The following REELD1 variants were observed in gnomAD, a reference collection of about 807,000 sequenced individuals.
The protein encoded by REELD1 is reeler domain containing 1.
REELD1 carries 12 observed loss-of-function variants against 6.3 expected under a neutral mutation model. The ratio of observed to expected loss-of-function variants is 1.89; its 90% CI spans 1.21 to 3.07. REELD1 has a LOEUF of 3.07. Ranked by LOEUF, REELD1 falls within the 30% of genes most tolerant of loss-of-function variation. The pLI is 0.00. For synonymous variants in REELD1, 57 were observed against 33.6 expected (o/e 1.70, Z -2.42); for missense variants, 163 against 86.8 (o/e 1.88, Z -3.49).
chr4:146,225,010 G>A lies in REELD1; in HGVS notation c.595+402G>A, dbSNP rs146821062. Among the ~76,000 whole-genome samples the A allele has an allele frequency of 9.8e-5, 15 of 152,292 alleles. No homozygotes were observed. The East Asian group carries it at 1.3e-3, about 14-fold the overall frequency. On this transcript the variant is annotated intron_variant, in intron 5 of 7. Coordinates refer to ENST00000623665, the MANE Select transcript of REELD1 (RefSeq NM_001354631.1). Reference sequence around the variant, plus strand: ...ACAAAAAAGAAATGAGCTTTTCTTCGTCTTTTCTCATAAAAACGCATCCAG... The same window carrying A: ...ACAAAAAAGAAATGAGCTTTTCTTCATCTTTTCTCATAAAAACGCATCCAG...
intron 3 of REELD1, among the ~76,000 whole-genome samples, chr4:146,220,930 G>T (rs142693410): frequency 6.6e-6 from 1 of 152,358 alleles, no homozygotes; most frequent in African/African-American, 2.4e-5. Flanking sequence ...GACAATCGCT[G>T]TTGGGTATTG....
rs1306601971 is a variant in REELD1, at chr4:146,228,347, ACT to A, written c.736_737del (p.Leu246ValfsTer10). 1.4e-6 allele frequency: 1 copy of A among 702,238 alleles called. No individual in the cohort carries two copies. 43.5% of individuals were successfully genotyped at this position (702,238 alleles called of 1,614,324 possible). On this transcript the variant is annotated frameshift_variant, in exon 6 of 8. Transcript: ENST00000623665. LOFTEE classifies it high-confidence loss of function. ...GACAAAGTTTCCTGGGGATGCAGAGACTCTGTCCCAACCATCTTCACACACAG... is the reference window on the plus strand; with the variant it reads ...GACAAAGTTTCCTGGGGATGCAGAGACTGTCCCAACCATCTTCACACACAG... Reference protein sequence around the residue: ...WVTKFPGDAETLSQPSSHTAT... With the variant: ...WVTKFPGDAEXLSQPSSHTAT...
At chr4:146,219,831 TTAATA>T (rs1445564836) in intron 3 of REELD1, among the ~76,000 whole-genome samples, 1 of 152,254 alleles carries the variant, frequency 6.6e-6, no homozygotes. Context: ...AGATCTCAAA[TTAATA>T]TAATCTTAAG....
intron 7 of REELD1, among the ~76,000 whole-genome samples, chr4:146,229,309 C>T (rs1731084413): frequency 6.6e-6 from 1 of 152,206 alleles, no homozygotes; most frequent in Non-Finnish European, 1.5e-5. Flanking sequence ...GTTTTAGTGA[C>T]TTGTCTTCTC....
intron 3 of REELD1, among the ~76,000 whole-genome samples, chr4:146,217,386 G>A (rs1277111790): frequency 2.0e-5 from 3 of 152,068 alleles, no homozygotes; most frequent in Admixed American, 2.0e-4. Context: ...GGGACTACAG[G>A]CACATGCCAC....
rs1731063978 is a variant in REELD1 at position 146,228,385 on chromosome 4, C to A, written c.771C>A (p.Gly257=). The A allele has an allele frequency of 1.4e-6, 1 of 702,572 alleles. No homozygotes were observed. The highest frequency in any genetic ancestry group is 1.7e-5 in the African/African-American group (1 of 57,350). The allele number at this position is 702,572 out of a possible 1,614,324, so 43.5% of individuals were successfully genotyped here. A position where few individuals can be genotyped will look rare whatever the true frequency, so the allele number is the denominator to read the frequency against. Residue 257 remains glycine (G), a synonymous_variant, in exon 6 of 8, where the codon GGC becomes GGA. Transcript: ENST00000623665. ...CATCTTCACACACAGCCACTGAAGGCAGCATCAACCAGCAACCCAGCGGGG... is the reference window on the plus strand; with the variant it reads ...CATCTTCACACACAGCCACTGAAGGAAGCATCAACCAGCAACCCAGCGGGG... ...SQPSSHTATE[G]SINQQPSGDS...
At chr4:146,225,773 C>T (rs1252501802) in intron 5 of REELD1, among the ~76,000 whole-genome samples, 2 of 152,146 alleles carry the variant, frequency 1.3e-5, no homozygotes, top group Non-Finnish European at 2.9e-5. Flanking sequence ...GAGCCTTGGG[C>T]CTTTCTATGC....
intron 4 of REELD1, among the ~76,000 whole-genome samples, 196 bp downstream of exon 4, chr4:146,222,775 C>T (rs1730946597): frequency 6.6e-6 from 1 of 152,204 alleles, no homozygotes; most frequent in Admixed American, 6.5e-5. Flanking sequence ...CCCCCAAACT[C>T]ATCCCTTCAT....
rs1731108822 is a variant in REELD1 at position 146,230,410 on chromosome 4, A to C, written c.1478A>C (p.Glu493Ala). The change falls in exon 8 of 8, where the codon GAG becomes GCG. Residue 493 changes from glutamate (E) to alanine (A), a missense_variant. Transcript: ENST00000623665. ...SDAVARSNSGETVHVRKIGEN... is the reference protein window; with the variant it reads ...SDAVARSNSGATVHVRKIGEN... The stretch of plus-strand genomic sequence containing the variant: ...GCTGTTGCCAGGAGCAACAGTGGTG[A>C]GACTGTGCACGTCAGGAAGATTGGG... 1 of 398,598 alleles carries C rather than the reference A, an allele frequency of 2.5e-6. No individual in the cohort carries two copies. The allele number at this position is 398,598 out of a possible 1,614,324, so 24.7% of individuals were successfully genotyped here.
intron 7 of REELD1, among the ~76,000 whole-genome samples, chr4:146,229,693 G>A (rs1731090333): frequency 6.6e-6 from 1 of 151,992 alleles, no homozygotes; most frequent in Non-Finnish European, 1.5e-5. Flanking sequence ...GTTCTCTGTG[G>A]GGTTTCCATT....
intron 7 of REELD1, 98 bp downstream of exon 7, chr4:146,229,186 A>G (rs1731082148): frequency 1.5e-6 from 1 of 653,626 alleles, no homozygotes; most frequent in African/African-American, 1.8e-5. Context: ...ACTAGTAGCC[A>G]AAGTTAGAGA....
At chr4:146,220,731 A>T (rs1314004213) in intron 3 of REELD1, among the ~76,000 whole-genome samples, 1 of 152,232 alleles carries the variant, frequency 6.6e-6, no homozygotes, top group Non-Finnish European at 1.5e-5. Flanking sequence ...ATCTGGCCTC[A>T]TTGGCCAGAA....
intron 4 of REELD1, among the ~76,000 whole-genome samples, chr4:146,223,512 G>A (rs963029919): frequency 3.3e-5 from 5 of 152,154 alleles, no homozygotes; most frequent in African/African-American, 9.7e-5. Context: ...CAGCGCAGAG[G>A]GTGTCTGCTT....
chr4:146,231,471 A>G lies in REELD1; in HGVS notation c.*958A>G, dbSNP rs1268013223. ...ATTGCTTTGATTTAACAGTGGCTCCACAGATACTATCTGAGGTCAAAACAA... is the reference window on the plus strand; with the variant it reads ...ATTGCTTTGATTTAACAGTGGCTCCGCAGATACTATCTGAGGTCAAAACAA... On this transcript the variant is annotated 3_prime_UTR_variant, in exon 8 of 8. Transcript: ENST00000623665. Among the ~76,000 whole-genome samples the G allele has an allele frequency of 6.6e-6, 1 of 152,364 alleles. No individual in the cohort carries two copies. Among genetic ancestry groups the G allele is most frequent in the African/African-American group, 2.4e-5 (1 of 41,592 alleles).
chr4:146,218,271 C>T (rs1349134261), intron 3 of REELD1, among the ~76,000 whole-genome samples: 2 of 152,178 alleles, frequency 1.3e-5, no homozygotes, highest in Admixed American at 1.3e-4. Context: ...TACCTCCATG[C>T]CCCGCCCCCA....
At position 146,229,031 on chromosome 4, in the gene REELD1, GGATGA is replaced by G. The variant is rs1443170116; in HGVS notation, c.916_920del (p.Asp306SerfsTer4). ...CTTCCATTCTTCCCTTTAGAACTCA[GGATGA>G]TCCCAGCTTTGATTCACTGGAAACT... On this transcript the variant is annotated frameshift_variant, in exon 7 of 8. Coordinates refer to ENST00000623665, the MANE Select transcript of REELD1 (RefSeq NM_001354631.1). LOFTEE classifies it high-confidence loss of function. 1.4e-6 allele frequency: 1 copy of G among 702,384 alleles called. No homozygotes were observed. Among genetic ancestry groups the G allele is most frequent in the Admixed American group, 2.0e-5 (1 of 50,016 alleles). The allele number at this position is 702,384 out of a possible 1,614,324, so 43.5% of individuals were successfully genotyped here.
rs1347894658 is a variant in REELD1, at chr4:146,228,334, T to C, written c.720T>C (p.Pro240=). ...VPASIWVTKF[P]GDAETLSQPS... ...CCAGTATTTGGGTGACAAAGTTTCCTGGGGATGCAGAGACTCTGTCCCAAC... is the reference window on the plus strand; with the variant it reads ...CCAGTATTTGGGTGACAAAGTTTCCCGGGGATGCAGAGACTCTGTCCCAAC... The change falls in exon 6 of 8, where the codon CCT becomes CCC. Residue 240 remains proline, a synonymous_variant. Coordinates refer to ENST00000623665, the MANE Select transcript of REELD1 (RefSeq NM_001354631.1). 2 of 702,514 alleles carry C rather than the reference T, an allele frequency of 2.8e-6. No homozygotes were observed. The highest frequency in any genetic ancestry group is 5.2e-6 in the Non-Finnish European group (2 of 384,984). The allele number at this position is 702,514 out of a possible 1,614,324, so 43.5% of individuals were successfully genotyped here.
At chr4:146,216,257 T>C (rs1730824036) in intron 2 of REELD1, among the ~76,000 whole-genome samples, 1 of 152,242 alleles carries the variant, frequency 6.6e-6, no homozygotes, top group Admixed American at 6.5e-5. Flanking sequence ...ATCATTGTAT[T>C]CTATTCCTGA....
intron 3 of REELD1, among the ~76,000 whole-genome samples, chr4:146,219,457 A>G (rs1730882660): frequency 6.6e-6 from 1 of 152,178 alleles, no homozygotes; most frequent in African/African-American, 2.4e-5. Context: ...CTCAACTCCT[A>G]GCATAGTGCT....
Sources: gnomAD v4.1 joint callset for allele counts (sites outside exome capture counted in the v4.1 genomes callset) on GRCh38, gnomAD v4.1.1 for gene constraint, MANE v1.5 for transcripts, NCBI Gene and HGNC (gene_info 2026-07-23, HGNC 2026-07-21) for gene names.